The following TOLLIP variants were observed in gnomAD, a reference collection of about 807,000 sequenced individuals.
The protein encoded by TOLLIP is toll interacting protein.
Under a neutral mutation model 33.5 loss-of-function variants are expected in TOLLIP, and 16 were observed. That is an observed-to-expected ratio of 0.48 (90% CI 0.32 to 0.72). TOLLIP has a LOEUF of 0.72. Ranked by LOEUF, TOLLIP falls within the 30% of genes least tolerant of loss-of-function variation. The pLI is 0.03. For synonymous variants in TOLLIP, 176 were observed against 163.7 expected (o/e 1.07, Z -0.57); for missense variants, 325 against 396.6 (o/e 0.82, Z 1.53).
rs149545648 is a variant in TOLLIP, at chr11:1,307,310, C to T, written c.33+2156G>A. Among the ~76,000 whole-genome samples the T allele has an allele frequency of 4.5e-3, 687 of 152,362 alleles. 2 individuals are homozygous for T. The highest frequency in any genetic ancestry group is 0.014 in the Middle Eastern group (4 of 294). ...GCTCGTCTACATGATGGAAACAGCC[C>T]AGGAGGCACTGGGCAAGAGGAGATT... On this transcript the variant is annotated intron_variant, in intron 1 of 5. Transcript: ENST00000317204.
Position 1,278,724 on chromosome 11 carries a change from C to T in TOLLIP, c.611-1471G>A, listed in dbSNP as rs1863391191. Among the ~76,000 whole-genome samples, 1 of 152,234 alleles carries T rather than the reference C, an allele frequency of 6.6e-6. No individual in the cohort carries two copies. The highest frequency in any genetic ancestry group is 1.5e-5 in the Non-Finnish European group (1 of 68,038). On this transcript the variant is annotated intron_variant, in intron 5 of 5. Coordinates refer to ENST00000317204, the MANE Select transcript of TOLLIP (RefSeq NM_019009.4). The surrounding 1 kb of genome is among the most constrained non-coding windows in gnomAD (Gnocchi z 4.7). ...TCACCTCACTGGGGAAGCATCATCCCCATGCTCATCAGCCTTTCGGCAATG... is the reference window on the plus strand; with the variant it reads ...TCACCTCACTGGGGAAGCATCATCCTCATGCTCATCAGCCTTTCGGCAATG...
At chr11:1,283,911 A>G (rs550315342) in intron 5 of TOLLIP, among the ~76,000 whole-genome samples, 34 of 152,306 alleles carry the variant, frequency 2.2e-4, no homozygotes, top group African/African-American at 7.9e-4. Flanking sequence ...AGCCTCAGGA[A>G]GCTGGAGGGC....
At chr11:1,279,017 C>A (rs1863401050) in intron 5 of TOLLIP, among the ~76,000 whole-genome samples, 1 of 152,216 alleles carries the variant, frequency 6.6e-6, no homozygotes, top group African/African-American at 2.4e-5. Flanking sequence ...CACAGCGTGG[C>A]AACATGAGGA....
intron 5 of TOLLIP, among the ~76,000 whole-genome samples, chr11:1,281,291 C>T (rs1190603030): frequency 2.6e-5 from 4 of 152,200 alleles, no homozygotes; most frequent in Non-Finnish European, 5.9e-5. Context: ...CTCACTGATG[C>T]GGTCACACTT....
In TOLLIP at chr11:1,290,511, C is replaced by G; in HGVS notation, c.184-102G>C. On this transcript the variant is annotated intron_variant, in intron 2 of 5. Coordinates refer to ENST00000317204, the MANE Select transcript of TOLLIP (RefSeq NM_019009.4). The surrounding 1 kb of genome is among the most constrained non-coding windows in gnomAD (Gnocchi z 4.9). ...CTGAACCCTTCCACGAGGCCTTTTC[C>G]TAACACATAGACTACAGCCACTCAG... 2 of 1,100,348 alleles carry G rather than the reference C, an allele frequency of 1.8e-6. No individual in the cohort carries two copies. Among genetic ancestry groups the G allele is most frequent in the Admixed American group, 4.4e-5 (2 of 45,774 alleles). The allele number at this position is 1,100,348 out of a possible 1,614,324, so 68.2% of individuals were successfully genotyped here. A position where few individuals can be genotyped will look rare whatever the true frequency, so the allele number is the denominator to read the frequency against.
chr11:1,288,511 T>C (rs1341220737), intron 4 of TOLLIP, 113 bp downstream of exon 4: 1 of 1,326,146 alleles, frequency 7.5e-7, no homozygotes, highest in African/African-American at 1.5e-5. Flanking sequence ...GCCCTGCTGT[T>C]TTATGGGCTC....
chr11:1,285,997 C>T lies in TOLLIP; in HGVS notation c.610+5G>A, dbSNP rs913822128. On this transcript the variant is annotated splice_donor_5th_base_variant and intron_variant, in intron 5 of 5. Coordinates refer to ENST00000317204, the MANE Select transcript of TOLLIP (RefSeq NM_019009.4). ...GAGAGGCACCCAGGGAGGGAGCACA[C>T]GCACCTGTGATGGGCACATAGCCAA... The T allele has an allele frequency of 2.5e-6, 4 of 1,586,616 alleles. No homozygotes were observed. The highest frequency in any genetic ancestry group is 3.4e-6 in the Non-Finnish European group (4 of 1,167,358).
intron 1 of TOLLIP, among the ~76,000 whole-genome samples, chr11:1,297,900 T>C (rs897395908): frequency 1.3e-5 from 2 of 152,200 alleles, no homozygotes; most frequent in Non-Finnish European, 2.9e-5. Flanking sequence ...CCTGTTCCTG[T>C]TGGCACACAG....
intron 1 of TOLLIP, among the ~76,000 whole-genome samples, chr11:1,307,023 A>C (rs1417282652): frequency 6.6e-6 from 1 of 152,076 alleles, no homozygotes; most frequent in African/African-American, 2.4e-5. Flanking sequence ...GTCACCACAC[A>C]GCTCAGCTGT....
intron 1 of TOLLIP, among the ~76,000 whole-genome samples, chr11:1,301,897 G>A (rs1038214525): frequency 2.0e-5 from 3 of 152,256 alleles, no homozygotes; most frequent in African/African-American, 7.2e-5. Context: ...GCGGAAGTCA[G>A]TCTCAAAGCC....
At chr11:1,284,582 C>G (rs1362237459) in intron 5 of TOLLIP, among the ~76,000 whole-genome samples, 1 of 152,174 alleles carries the variant, frequency 6.6e-6, no homozygotes, top group Non-Finnish European at 1.5e-5. Context: ...ATCTCCTGAC[C>G]TCACGATCTG....
intron 3 of TOLLIP, among the ~76,000 whole-genome samples, chr11:1,289,775 T>C (rs1162940795): frequency 6.7e-6 from 1 of 149,306 alleles, no homozygotes; most frequent in Non-Finnish European, 1.5e-5. Context: ...GCTCTGTCCC[T>C]GGAAATCCCA....
chr11:1,277,615 C>T lies in TOLLIP; in HGVS notation c.611-362G>A, dbSNP rs1056910791. Among the ~76,000 whole-genome samples the T allele has an allele frequency of 1.3e-5, 2 of 152,204 alleles. No individual in the cohort carries two copies. The highest frequency in any genetic ancestry group is 2.9e-5 in the Non-Finnish European group (2 of 68,038). ...AGAACTCGTGAATTTGCACTGCACA[C>T]GCTCGTCTTCACTGACCAGTGGGCT... On this transcript the variant is annotated intron_variant, in intron 5 of 5. Coordinates refer to ENST00000317204, the MANE Select transcript of TOLLIP (RefSeq NM_019009.4). The surrounding 1 kb of genome is among the most constrained non-coding windows in gnomAD (Gnocchi z 4.2).
rs958341807 is a variant in TOLLIP, at chr11:1,278,581, G to C, written c.611-1328C>G. Among the ~76,000 whole-genome samples the C allele has an allele frequency of 1.3e-4, 20 of 152,092 alleles. No individual in the cohort carries two copies. Among genetic ancestry groups the C allele is most frequent in the African/African-American group, 4.8e-4 (20 of 41,428 alleles). On this transcript the variant is annotated intron_variant, in intron 5 of 5. Transcript: ENST00000317204. This position sits in a 1 kb window ranked among gnomAD's most constrained non-coding sequence, Gnocchi z 4.7. ...GCCACCGCTTCCCGGCTCCTTCTAG[G>C]CCAGGCCGACTCTTCCTCCACACCC...
Position 1,290,497 on chromosome 11 carries a change from C to G in TOLLIP, c.184-88G>C, listed in dbSNP as rs143210443. On this transcript the variant is annotated intron_variant, in intron 2 of 5. Transcript: ENST00000317204. The surrounding 1 kb of genome is among the most constrained non-coding windows in gnomAD (Gnocchi z 4.9). ...GGCCGTCTGCCTCCCTGAACCCTTC[C>G]ACGAGGCCTTTTCCTAACACATAGA... 1.6e-5 allele frequency: 20 copies of G among 1,279,754 alleles called. No individual in the cohort carries two copies. In the East Asian group the frequency reaches 4.1e-4, roughly 26 times the overall value. The allele number at this position is 1,279,754 out of a possible 1,614,324, so 79.3% of individuals were successfully genotyped here. A position where few individuals can be genotyped will look rare whatever the true frequency, so the allele number is the denominator to read the frequency against.
Position 1,288,713 on chromosome 11 carries a change from G to T in TOLLIP, c.430C>A (p.Gln144Lys). ...TACCACTTGTCCTCCACCTTGCCCTGCCTCAGGGACTCCGGGATGGTGATG... is the reference window on the plus strand; with the variant it reads ...TACCACTTGTCCTCCACCTTGCCCTTCCTCAGGGACTCCGGGATGGTGATG... ...THITIPESLRQGKVEDKWYSL... is the reference protein window; with the variant it reads ...THITIPESLRKGKVEDKWYSL... Residue 144 changes from glutamine (Q) to lysine (K), a missense_variant, in exon 4 of 6, where the codon CAG (glutamine) becomes AAG (lysine). By Grantham distance (53) the Gln-to-Lys change is moderately conservative. Transcript: ENST00000317204. 1.2e-6 allele frequency: 2 copies of T among 1,612,974 alleles called. No individual in the cohort carries two copies. The highest frequency in any genetic ancestry group is 1.1e-5 in the South Asian group (1 of 91,080).
intron 3 of TOLLIP, among the ~76,000 whole-genome samples, chr11:1,289,555 C>G (rs530304635): frequency 6.6e-6 from 1 of 152,266 alleles, no homozygotes; most frequent in Non-Finnish European, 1.5e-5. Context: ...AGTAGGCAGC[C>G]GCACTCTCTG....
chr11:1,306,773 G>A (rs1234875870), intron 1 of TOLLIP, among the ~76,000 whole-genome samples: 3 of 151,578 alleles, frequency 2.0e-5, no homozygotes, highest in African/African-American at 4.9e-5. Context: ...GTCCTCCTGT[G>A]CCCAGGACCC....
In TOLLIP at chr11:1,290,260, G is replaced by A. The variant is rs749188185; in HGVS notation, c.333C>T (p.Gly111=). The change falls in exon 3 of 6, where the codon GGC becomes GGT. Residue 111 remains glycine, a synonymous_variant. Coordinates refer to ENST00000317204, the MANE Select transcript of TOLLIP (RefSeq NM_019009.4). This position sits in a 1 kb window ranked among gnomAD's most constrained non-coding sequence, Gnocchi z 4.9. ...NKVIHCTVPP[G]VDSFYLEIFD... The stretch of plus-strand genomic sequence containing the variant: ...AGATCTCGAGATAGAAAGAGTCCAC[G>A]CCTGGGGGCACCGTGCAGTGGATGA... The A allele has an allele frequency of 5.6e-6, 9 of 1,613,472 alleles. No individual in the cohort carries two copies. The highest frequency in any genetic ancestry group is 7.6e-6 in the Non-Finnish European group (9 of 1,179,966).
Sources: gnomAD v4.1 joint callset for allele counts (sites outside exome capture counted in the v4.1 genomes callset) on GRCh38, gnomAD v4.1.1 for gene constraint, Gnocchi (gnomAD v3.1) non-coding constraint, MANE v1.5 for transcripts, NCBI Gene and HGNC (gene_info 2026-07-23, HGNC 2026-07-21) for gene names.